ST3GAL3: variants seen among roughly 807,000 people sequenced by gnomAD.
ST3GAL3 encodes CMP-N-acetylneuraminate-beta-1,4-galactoside alpha-2,3-sialyltransferase.
In ST3GAL3, 21 loss-of-function variants were observed where a neutral mutation model predicts 50.1. That is an observed-to-expected ratio of 0.42 (90% confidence interval 0.30 to 0.60). The LOEUF (loss-of-function observed/expected upper bound fraction) is 0.60. ST3GAL3 is among the 20% of genes least tolerant of loss of function. The probability of loss-of-function intolerance (pLI) is 0.19; values close to 1 mark genes in which losing one functional copy is unlikely to be tolerated. For synonymous variants in ST3GAL3, 183 were observed against 190.0 expected, an observed-to-expected ratio of 0.96 and a Z score of 0.30; for missense variants, 353 against 489.4, an observed-to-expected ratio of 0.72 and a Z score of 2.63.
chr1:43,895,456 G>A (rs763416196), intron 6 of ST3GAL3, among the ~76,000 whole-genome samples: 45 of 152,224 alleles, frequency 3.0e-4, no homozygotes, highest in Non-Finnish European at 4.4e-5. Flanking sequence ...AGAGGGATCA[G>A]ATCCCCATAC....
intron 1 of ST3GAL3, among the ~76,000 whole-genome samples, chr1:43,717,358 A>G (rs922143800): frequency 1.3e-5 from 2 of 152,190 alleles, no homozygotes; most frequent in Admixed American, 6.5e-5. Flanking sequence ...TAGTTTTTCT[A>G]AAATATGTCT....
chr1:43,909,172 G>T (rs140051135), intron 9 of ST3GAL3, among the ~76,000 whole-genome samples: 42 of 152,330 alleles, frequency 2.8e-4, no homozygotes, highest in Admixed American at 5.9e-4. Flanking sequence ...CTGAGGCCCA[G>T]AGTGCAACAG....
At chr1:43,891,890 T>A (rs548567560) in intron 5 of ST3GAL3, among the ~76,000 whole-genome samples, 37 of 152,334 alleles carry the variant, frequency 2.4e-4, no homozygotes, top group African/African-American at 8.7e-4. Flanking sequence ...CTACAAGCAT[T>A]CTGTGCAGAG....
chr1:43,713,129 A>C (rs899225490), intron 1 of ST3GAL3, among the ~76,000 whole-genome samples: 1 of 152,182 alleles, frequency 6.6e-6, no homozygotes, highest in African/African-American at 2.4e-5. Flanking sequence ...GGTTAGAATG[A>C]GGTAAGACTG....
intron 11 of ST3GAL3, among the ~76,000 whole-genome samples, chr1:43,925,717 G>C (rs962225576): frequency 2.6e-5 from 4 of 152,206 alleles, no homozygotes; most frequent in African/African-American, 9.7e-5. Context: ...GGAGACACAT[G>C]GACCAAGGAT....
At chr1:43,751,497 TTG>T (rs1686060263) in intron 2 of ST3GAL3, among the ~76,000 whole-genome samples, 1 of 152,240 alleles carries the variant, frequency 6.6e-6, no homozygotes, top group African/African-American at 2.4e-5. Flanking sequence ...GCATGTCCAT[TTG>T]ACAGATACTC....
chr1:43,806,435 G>T (rs2059893540), intron 3 of ST3GAL3, among the ~76,000 whole-genome samples: 3 of 152,034 alleles, frequency 2.0e-5, no homozygotes, highest in Admixed American at 2.0e-4. Context: ...TCAAGCAAAA[G>T]CAATGACGGG....
At chr1:43,844,456 T>G (rs1469748226) in intron 5 of ST3GAL3, among the ~76,000 whole-genome samples, 1 of 152,176 alleles carries the variant, frequency 6.6e-6, no homozygotes, top group Non-Finnish European at 1.5e-5. Context: ...TGTGCTCTTA[T>G]CAGTCAGGAA....
chr1:43,860,573 C>G (rs550856416), intron 5 of ST3GAL3, among the ~76,000 whole-genome samples: 1 of 152,360 alleles, frequency 6.6e-6, no homozygotes, highest in East Asian at 1.9e-4. Flanking sequence ...CTCTATCCAT[C>G]TCTGTTCCAG....
intron 9 of ST3GAL3, among the ~76,000 whole-genome samples, chr1:43,917,247 G>A (rs931154154): frequency 6.6e-6 from 1 of 150,596 alleles, no homozygotes; most frequent in East Asian, 2.0e-4. Flanking sequence ...ATAATAACTT[G>A]TTAGTTTAAT....
chr1:43,723,860 C>T (rs1671680198), intron 1 of ST3GAL3, among the ~76,000 whole-genome samples: 1 of 152,184 alleles, frequency 6.6e-6, no homozygotes, highest in Admixed American at 6.5e-5. Context: ...GATCTGCCCG[C>T]CTCGGCCTCC....
intron 3 of ST3GAL3, among the ~76,000 whole-genome samples, chr1:43,800,199 A>G (rs765282753): frequency 6.6e-6 from 1 of 152,152 alleles, no homozygotes; most frequent in Non-Finnish European, 1.5e-5. Flanking sequence ...ACATACACCC[A>G]TTTGAGATTG....
intron 6 of ST3GAL3, among the ~76,000 whole-genome samples, chr1:43,896,976 A>C (rs2077473733): frequency 6.6e-6 from 1 of 150,524 alleles, no homozygotes; most frequent in South Asian, 2.1e-4. Flanking sequence ...TATATTCTTC[A>C]TATTTTTTTA....
chr1:43,754,931 A>G (rs1232893387), intron 2 of ST3GAL3, among the ~76,000 whole-genome samples: 2 of 152,066 alleles, frequency 1.3e-5, no homozygotes, highest in African/African-American at 4.8e-5. Flanking sequence ...GTCTCAAAAA[A>G]AAAAACATAA....
chr1:43,852,282 GA>G, intron 5 of ST3GAL3, among the ~76,000 whole-genome samples: 1 of 152,302 alleles, frequency 6.6e-6, no homozygotes, highest in East Asian at 1.9e-4. Flanking sequence ...AGGTCCAAAG[GA>G]ACTCAGATTT....
intron 1 of ST3GAL3, chr1:43,709,672 C>G (rs1418904600): frequency 2.0e-5 from 3 of 151,836 alleles, no homozygotes; most frequent in Admixed American, 1.3e-4. Context: ...GAAACCCCGT[C>G]TCTACCAAAA....
At chr1:43,898,337 C>G in intron 7 of ST3GAL3, 39 bp downstream of exon 7, 1 of 1,605,872 alleles carries the variant, frequency 6.2e-7, no homozygotes, top group Non-Finnish European at 8.5e-7. Context: ...CCACCGCTGC[C>G]TGGTGGTGTG....
intron 3 of ST3GAL3, among the ~76,000 whole-genome samples, chr1:43,814,362 G>C (rs559876765): frequency 6.6e-6 from 1 of 152,282 alleles, no homozygotes; most frequent in African/African-American, 2.4e-5. Context: ...CTTGTTAGAA[G>C]CATCAATTTA....
At chr1:43,835,425 A>G (rs1321554811) in intron 4 of ST3GAL3, among the ~76,000 whole-genome samples, 1 of 152,132 alleles carries the variant, frequency 6.6e-6, no homozygotes, top group Non-Finnish European at 1.5e-5. Context: ...GACATGACCC[A>G]CTGTACCCAG....
Sources: allele counts gnomAD v4.1 joint callset (sites outside exome capture counted in the v4.1 genomes callset), GRCh38; gene constraint gnomAD v4.1.1; transcripts MANE v1.5; gene names NCBI Gene and HGNC (gene_info 2026-07-23, HGNC 2026-07-21).